The following BRINP3 variants were observed in gnomAD, a reference collection of about 807,000 sequenced individuals.
BRINP3 encodes the protein BMP/retinoic acid-inducible neural-specific protein 3.
A neutral mutation model predicts 71.0 loss-of-function variants in BRINP3; 19 were observed. The ratio of observed to expected loss-of-function variants is 0.27; its 90% CI spans 0.19 to 0.39. BRINP3 has a LOEUF of 0.39. Among genes scored for constraint, BRINP3 ranks in the 10% least tolerant of loss-of-function variants. The pLI, the probability that BRINP3 is intolerant of heterozygous loss-of-function variation, is 1.00. For missense variants in BRINP3, 959 were observed against 940.8 expected, an observed-to-expected ratio of 1.02 and a Z score of -0.25; for synonymous variants, 380 against 337.7, an observed-to-expected ratio of 1.13 and a Z score of -1.37.
intron 7 of BRINP3, among the ~76,000 whole-genome samples, chr1:190,146,433 T>C (rs537314358): frequency 6.6e-6 from 1 of 152,296 alleles, no homozygotes; most frequent in African/African-American, 2.4e-5. Context: ...GTAGACTTTG[T>C]AGCATTTTCC....
intron 4 of BRINP3, among the ~76,000 whole-genome samples, chr1:190,246,066 G>A (rs896713829): frequency 4.3e-5 from 6 of 140,962 alleles, no homozygotes; most frequent in African/African-American, 8.0e-5. Context: ...ATAAACATAC[G>A]TGTGCATGTG....
Position 190,323,178 on chromosome 1 carries a change from G to A in BRINP3, c.237-41428C>T, listed in dbSNP as rs1167760459. 2.6e-5 allele frequency among the ~76,000 whole-genome samples: 4 copies of A among 152,010 alleles called. No individual in the cohort carries two copies. In the East Asian group the frequency reaches 7.7e-4, roughly 29 times the overall value. On this transcript the variant is annotated intron_variant, in intron 2 of 7. Transcript: ENST00000367462. ...TGACATCTTTCACATACCTGGTCTA[G>A]GTAGTGCAAATTTAATAAGGAACAA...
intron 6 of BRINP3, among the ~76,000 whole-genome samples, chr1:190,188,406 A>G (rs887359756): frequency 7.9e-5 from 12 of 152,138 alleles, no homozygotes; most frequent in African/African-American, 2.7e-4. Flanking sequence ...AATACGCTGA[A>G]TGGAAGTTGC....
chr1:190,416,083 G>A (rs927131167), intron 2 of BRINP3, among the ~76,000 whole-genome samples: 1 of 151,894 alleles, frequency 6.6e-6, no homozygotes, highest in Non-Finnish European at 1.5e-5. Flanking sequence ...TTGACATATG[G>A]CACACCACAT....
At chr1:190,267,652 A>G (rs1273286400) in intron 3 of BRINP3, among the ~76,000 whole-genome samples, 3 of 152,114 alleles carry the variant, frequency 2.0e-5, no homozygotes, top group Non-Finnish European at 4.4e-5. Context: ...CAGGAGAAAA[A>G]ACACCGATTA....
intron 2 of BRINP3, among the ~76,000 whole-genome samples, chr1:190,327,832 G>A (rs575421128): frequency 6.3e-4 from 96 of 152,038 alleles, no homozygotes; most frequent in Non-Finnish European, 7.8e-4. Context: ...TAATCCACCC[G>A]TCAACCACAG....
chr1:190,298,587 A>G (rs1027375121), intron 2 of BRINP3, among the ~76,000 whole-genome samples: 3 of 152,050 alleles, frequency 2.0e-5, no homozygotes. Flanking sequence ...TCTTTAACCT[A>G]TAGTAAGTTT....
At chr1:190,291,601 G>A (rs920048224) in intron 2 of BRINP3, among the ~76,000 whole-genome samples, 12 of 152,072 alleles carry the variant, frequency 7.9e-5, no homozygotes, top group Non-Finnish European at 1.5e-5. Context: ...AAACCACAAT[G>A]AGATATCACT....
intron 5 of BRINP3, among the ~76,000 whole-genome samples, chr1:190,228,634 T>G (rs749371358): frequency 3.3e-5 from 5 of 151,904 alleles, no homozygotes; most frequent in Non-Finnish European, 7.4e-5. Flanking sequence ...CATTATAAAA[T>G]TAAAGAGTTT....
At chr1:190,384,201 G>A (rs1329653711) in intron 2 of BRINP3, among the ~76,000 whole-genome samples, 2 of 146,952 alleles carry the variant, frequency 1.4e-5, no homozygotes, top group South Asian at 2.1e-4. Flanking sequence ...TTTTATTTTT[G>A]AGAATTTTGT....
chr1:190,102,583 G>C (rs1039697428), intron 7 of BRINP3, among the ~76,000 whole-genome samples: 1 of 151,666 alleles, frequency 6.6e-6, no homozygotes, highest in Non-Finnish European at 1.5e-5. Flanking sequence ...TAATACTTCA[G>C]TAAACATTCT....
intron 2 of BRINP3, among the ~76,000 whole-genome samples, chr1:190,401,930 CTA>C (rs201920040): frequency 2.0e-4 from 30 of 149,426 alleles, no homozygotes; most frequent in Admixed American, 1.1e-3. Flanking sequence ...CAATTAGCAA[CTA>C]TATATATATA....
chr1:190,260,294 G>A (rs1027967668), intron 4 of BRINP3, among the ~76,000 whole-genome samples: 1 of 151,996 alleles, frequency 6.6e-6, no homozygotes, highest in South Asian at 2.1e-4. Flanking sequence ...ATAGATTCTA[G>A]CTGCTCTCAC....
chr1:190,254,753 A>G (rs1453681014), intron 4 of BRINP3, among the ~76,000 whole-genome samples: 1 of 152,132 alleles, frequency 6.6e-6, no homozygotes, highest in Non-Finnish European at 1.5e-5. Flanking sequence ...TCCTAATTTG[A>G]TACCATTTAT....
chr1:190,243,523 C>T (rs1229949368), intron 4 of BRINP3, among the ~76,000 whole-genome samples: 1 of 152,078 alleles, frequency 6.6e-6, no homozygotes, highest in African/African-American at 2.4e-5. Context: ...ACTTGAACTT[C>T]ATTACAGGAA....
At chr1:190,231,426 G>A (rs1195856974) in intron 5 of BRINP3, among the ~76,000 whole-genome samples, 1 of 151,382 alleles carries the variant, frequency 6.6e-6, no homozygotes, top group African/African-American at 2.4e-5. Flanking sequence ...TAAAATATTG[G>A]GAACTAGCTA....
intron 4 of BRINP3, among the ~76,000 whole-genome samples, chr1:190,258,900 T>C: frequency 6.6e-6 from 1 of 152,072 alleles, no homozygotes; most frequent in Middle Eastern, 3.2e-3. Context: ...GCACTTGGGG[T>C]GGCCAAAGTT....
At chr1:190,317,906 T>A (rs1665991366) in intron 2 of BRINP3, among the ~76,000 whole-genome samples, 1 of 152,106 alleles carries the variant, frequency 6.6e-6, no homozygotes, top group African/African-American at 2.4e-5. Flanking sequence ...AAAAATAAAT[T>A]TATCTGTTAC....
intron 2 of BRINP3, among the ~76,000 whole-genome samples, chr1:190,317,811 A>G (rs763070777): frequency 6.6e-6 from 1 of 152,046 alleles, no homozygotes; most frequent in Non-Finnish European, 1.5e-5. Flanking sequence ...TCTTGGTAAA[A>G]TCTCTACTAG....
Sources: allele counts gnomAD v4.1 joint callset (sites outside exome capture counted in the v4.1 genomes callset), GRCh38; gene constraint gnomAD v4.1.1; transcripts MANE v1.5; gene names NCBI Gene and HGNC (gene_info 2026-07-23, HGNC 2026-07-21).